The following MARCHF3 variants were observed in gnomAD, a reference collection of about 807,000 sequenced individuals.
MARCHF3 encodes membrane associated ring-CH-type finger 3.
A neutral mutation model predicts 24.2 loss-of-function variants in MARCHF3; 13 were observed. The ratio of observed to expected loss-of-function variants is 0.54; its 90% CI spans 0.35 to 0.85. MARCHF3 has a LOEUF of 0.85. Among genes scored for constraint, MARCHF3 ranks in the 40% least tolerant of loss-of-function variants. The pLI is 0.01. For synonymous variants in MARCHF3, 144 were observed against 137.3 expected (o/e 1.05, Z -0.34); for missense variants, 276 against 325.0 (o/e 0.85, Z 1.16).
chr5:126,928,759 G>GTA (rs1561432715), intron 1 of MARCHF3, among the ~76,000 whole-genome samples: 1 of 152,048 alleles, frequency 6.6e-6, no homozygotes, highest in Non-Finnish European at 1.5e-5. Context: ...ACAGGAGAAT[G>GTA]TATATATGCC....
chr5:127,003,130 G>GAA (rs113015192), intron 1 of MARCHF3, among the ~76,000 whole-genome samples: 5 of 138,200 alleles, frequency 3.6e-5, no homozygotes, highest in South Asian at 2.3e-4. Context: ...AAAGAAAAAA[G>GAA]AAAAAAAAAA....
At chr5:126,973,027 C>T (rs1429527701) in intron 1 of MARCHF3, among the ~76,000 whole-genome samples, 1 of 152,192 alleles carries the variant, frequency 6.6e-6, no homozygotes, top group Non-Finnish European at 1.5e-5. Flanking sequence ...TCCACTTTTA[C>T]TTAAAATTTT....
At chr5:126,977,963 T>C (rs1478954130) in intron 1 of MARCHF3, among the ~76,000 whole-genome samples, 3 of 152,110 alleles carry the variant, frequency 2.0e-5, no homozygotes, top group Admixed American at 6.6e-5. Flanking sequence ...CTAACAGATA[T>C]GAGAAAGCAA....
chr5:126,920,753 C>G (rs2126796960), intron 1 of MARCHF3, among the ~76,000 whole-genome samples: 1 of 152,252 alleles, frequency 6.6e-6, no homozygotes, highest in South Asian at 2.1e-4. Context: ...AAGTCCTCAT[C>G]AAAGGAAGTA....
At chr5:126,970,082 CTTTTT>C (rs1041350895) in intron 1 of MARCHF3, among the ~76,000 whole-genome samples, 2 of 148,700 alleles carry the variant, frequency 1.3e-5, no homozygotes, top group Middle Eastern at 6.8e-3. Context: ...CTTCTTTTTT[CTTTTT>C]TTTTTAATTT....
intron 3 of MARCHF3, among the ~76,000 whole-genome samples, chr5:126,905,676 A>T (rs1320868902): frequency 6.6e-6 from 1 of 151,938 alleles, no homozygotes. Context: ...GTATCCTGAG[A>T]CTTTGCTGAA....
At chr5:127,027,476 A>C (rs1753038530) in intron 1 of MARCHF3, among the ~76,000 whole-genome samples, 1 of 152,210 alleles carries the variant, frequency 6.6e-6, no homozygotes, top group South Asian at 2.1e-4. Flanking sequence ...ATGCTCAACC[A>C]TGTGAATTAG....
At chr5:126,889,905 C>T (rs1753626134) in intron 3 of MARCHF3, among the ~76,000 whole-genome samples, 1 of 152,174 alleles carries the variant, frequency 6.6e-6, no homozygotes, top group African/African-American at 2.4e-5. Context: ...ATGTGTGAGG[C>T]ACTCCCTGTT....
At chr5:126,898,914 A>G (rs1242460222) in intron 3 of MARCHF3, 4 of 985,142 alleles carry the variant, frequency 4.1e-6, no homozygotes, top group Non-Finnish European at 3.6e-6. Flanking sequence ...CTTCACAAAC[A>G]GATTATACAT....
chr5:126,991,067 T>C (rs1248111514), intron 1 of MARCHF3, among the ~76,000 whole-genome samples: 2 of 152,224 alleles, frequency 1.3e-5, no homozygotes, highest in African/African-American at 2.4e-5. Context: ...CAAAGGATTA[T>C]AAATCATGCT....
chr5:126,961,476 T>C (rs917329589), intron 1 of MARCHF3, among the ~76,000 whole-genome samples: 1 of 152,204 alleles, frequency 6.6e-6, no homozygotes, highest in African/African-American at 2.4e-5. Flanking sequence ...CCAACAGTTA[T>C]GCTTATGTTT....
At chr5:126,874,218 GA>G (rs921168251) in intron 4 of MARCHF3, among the ~76,000 whole-genome samples, 1 of 152,180 alleles carries the variant, frequency 6.6e-6, no homozygotes, top group African/African-American at 2.4e-5. Context: ...AATATTATGA[GA>G]AGGGTTAGAA....
chr5:126,870,637 A>G lies in MARCHF3; in HGVS notation c.758T>C (p.Val253Ala). 5.0e-6 allele frequency: 8 copies of G among 1,614,086 alleles called. No individual in the cohort carries two copies. Among genetic ancestry groups the G allele is most frequent in the Non-Finnish European group, 6.8e-6 (8 of 1,179,964 alleles). ...SVKRNSKETV[V>A] ...AACCAACCAACCATACAAACATCAA[A>G]CAACTGTCTCCTTTGAGTTCCTCTT... The change falls in exon 5 of 5, where the codon GTT becomes GCT. Residue 253 changes from valine (V) to alanine (A), a missense_variant. Physicochemically the swap from Val to Ala is moderately conservative, Grantham distance 64 (BLOSUM62 0). Transcript: ENST00000308660.
chr5:126,919,129 G>A (rs533709098), intron 1 of MARCHF3, among the ~76,000 whole-genome samples: 7 of 152,242 alleles, frequency 4.6e-5, no homozygotes, highest in Admixed American at 2.0e-4. Flanking sequence ...CATATAAACC[G>A]TGAGGAATTC....
intron 1 of MARCHF3, among the ~76,000 whole-genome samples, chr5:127,015,112 G>A (rs189671807): frequency 1.3e-5 from 2 of 152,242 alleles, no homozygotes; most frequent in Admixed American, 6.5e-5. Context: ...TTATATGTCA[G>A]TTAAAAATAA....
chr5:126,922,139 G>T (rs941151434), intron 1 of MARCHF3, among the ~76,000 whole-genome samples: 1 of 152,172 alleles, frequency 6.6e-6, no homozygotes, highest in Non-Finnish European at 1.5e-5. Context: ...GGAAGGGAAG[G>T]GAAGCAGGCT....
chr5:126,872,766 G>A (rs1030412993), intron 4 of MARCHF3, among the ~76,000 whole-genome samples: 1 of 152,146 alleles, frequency 6.6e-6, no homozygotes, highest in African/African-American at 2.4e-5. Context: ...GTGCCAGAGA[G>A]GGTTGAGTAT....
At chr5:126,946,761 GGTGT>G (rs58269583) in intron 1 of MARCHF3, among the ~76,000 whole-genome samples, 3,746 of 136,010 alleles carry the variant, frequency 0.028, 63 homozygotes, top group Middle Eastern at 0.071. Flanking sequence ...TGTAAGTAGG[GGTGT>G]GTGTGTGTGT....
chr5:126,984,828 A>C (rs1260945073), intron 1 of MARCHF3, among the ~76,000 whole-genome samples: 1 of 152,220 alleles, frequency 6.6e-6, no homozygotes, highest in Non-Finnish European at 1.5e-5. Context: ...ACCTCTGGAA[A>C]ACTAAGTGGA....
Sources: gnomAD v4.1 joint callset for allele counts (sites outside exome capture counted in the v4.1 genomes callset) on GRCh38, gnomAD v4.1.1 for gene constraint, MANE v1.5 for transcripts, NCBI Gene and HGNC (gene_info 2026-07-23, HGNC 2026-07-21) for gene names.